Variants in CDH18 observed in about 807,000 individuals in gnomAD.
CDH18 encodes the protein cadherin 18, also known as cadherin-18.
A neutral mutation model predicts 67.9 loss-of-function variants in CDH18; 31 were observed. The observed-to-expected ratio is 0.46, with a 90% CI of 0.34 to 0.62. The LOEUF is 0.62. Among genes scored for constraint, CDH18 ranks in the 20% least tolerant of loss-of-function variants. The probability of loss-of-function intolerance (pLI) is 0.01; values close to 1 mark genes in which losing one functional copy is unlikely to be tolerated. For missense variants in CDH18, 890 were observed against 975.5 expected, an observed-to-expected ratio of 0.91 and a Z score of 1.17; for synonymous variants, 362 against 347.2, an observed-to-expected ratio of 1.04 and a Z score of -0.48.
intron 1 of CDH18, among the ~76,000 whole-genome samples, chr5:20,568,597 G>T (rs1287936035): frequency 1.3e-5 from 2 of 149,068 alleles, no homozygotes; most frequent in Non-Finnish European, 3.0e-5. Flanking sequence ...TCAAGAGTGG[G>T]CATTTCAGAA....
intron 2 of CDH18, among the ~76,000 whole-genome samples, chr5:20,056,413 T>C (rs183677324): frequency 0.015 from 2,161 of 148,314 alleles, 26 homozygotes; most frequent in Non-Finnish European, 0.023. Flanking sequence ...TGTTTTTTAA[T>C]CTTTTTTGTC....
intron 5 of CDH18, among the ~76,000 whole-genome samples, chr5:19,713,510 A>T (rs980247223): frequency 1.3e-5 from 2 of 152,162 alleles, no homozygotes; most frequent in African/African-American, 4.8e-5. Flanking sequence ...CTAGAATAGA[A>T]CACTGATCTA....
At chr5:19,782,098 A>G (rs1775181280) in intron 3 of CDH18, among the ~76,000 whole-genome samples, 1 of 152,180 alleles carries the variant, frequency 6.6e-6, no homozygotes, top group African/African-American at 2.4e-5. Flanking sequence ...TTATTTTCAC[A>G]CTTTTATATA....
intron 11 of CDH18, 145 bp from the exon 12 acceptor site, chr5:19,483,697 A>G: frequency 1.3e-6 from 1 of 789,006 alleles, no homozygotes; most frequent in Non-Finnish European, 1.9e-6. Flanking sequence ...GGCAATTATT[A>G]AAGAGAAGCT....
At chr5:19,994,855 T>TAGAGAG (rs1554078420) in intron 2 of CDH18, among the ~76,000 whole-genome samples, 4,893 of 67,542 alleles carry the variant, frequency 0.072, 882 homozygotes, top group Middle Eastern at 0.11. Context: ...TATATATATA[T>TAGAGAG]AGAGAGAGAG....
chr5:20,261,455 T>C (rs1744644961), intron 1 of CDH18, among the ~76,000 whole-genome samples: 1 of 152,158 alleles, frequency 6.6e-6, no homozygotes, highest in South Asian at 2.1e-4. Flanking sequence ...TAAGAATTGC[T>C]AGAGGTCGGG....
At chr5:19,641,839 A>AAAAAT (rs549897198) in intron 5 of CDH18, among the ~76,000 whole-genome samples, 3 of 152,008 alleles carry the variant, frequency 2.0e-5, no homozygotes, top group African/African-American at 4.8e-5. Flanking sequence ...TCAACAAGAA[A>AAAAAT]AAAATAAAAT....
intron 1 of CDH18, among the ~76,000 whole-genome samples, chr5:20,306,943 G>A (rs1477844948): frequency 8.3e-6 from 1 of 121,058 alleles, no homozygotes. Context: ...TTATGCCATA[G>A]TTATAGGAAA....
chr5:19,674,645 A>G (rs1217658532), intron 5 of CDH18, among the ~76,000 whole-genome samples: 1 of 152,194 alleles, frequency 6.6e-6, no homozygotes, highest in Non-Finnish European at 1.5e-5. Flanking sequence ...ATTAATATGC[A>G]TTAAATATAG....
intron 1 of CDH18, among the ~76,000 whole-genome samples, chr5:20,370,065 G>C (rs548457014): frequency 8.1e-4 from 123 of 151,958 alleles, no homozygotes; most frequent in African/African-American, 2.8e-3. Flanking sequence ...AGATATATAG[G>C]CTTCAAAGTT....
intron 2 of CDH18, among the ~76,000 whole-genome samples, chr5:20,114,653 G>C (rs113226296): frequency 3.9e-5 from 6 of 152,106 alleles, no homozygotes; most frequent in African/African-American, 1.4e-4. Flanking sequence ...TTCATGTGAG[G>C]GTATACTCTA....
intron 3 of CDH18, among the ~76,000 whole-genome samples, chr5:19,810,082 C>A (rs1778479367): frequency 6.6e-6 from 1 of 152,150 alleles, no homozygotes; most frequent in African/African-American, 2.4e-5. Flanking sequence ...GTAATCCCAG[C>A]ACTTTGGGAT....
intron 5 of CDH18, among the ~76,000 whole-genome samples, chr5:19,638,959 G>A (rs1209104839): frequency 8.1e-6 from 1 of 123,752 alleles, no homozygotes; most frequent in African/African-American, 3.2e-5. Context: ...CCAGATCGCT[G>A]GGAAGTTTTT....
At chr5:19,905,732 G>A (rs978862607) in intron 2 of CDH18, among the ~76,000 whole-genome samples, 1 of 151,812 alleles carries the variant, frequency 6.6e-6, no homozygotes, top group Non-Finnish European at 1.5e-5. Context: ...GTGAGTCTCA[G>A]GCTGTGAAAC....
In CDH18 at chr5:19,961,358, C is replaced by T. The variant is rs529336609; in HGVS notation, c.-257+19702G>A. 2.0e-4 allele frequency among the ~76,000 whole-genome samples: 31 copies of T among 152,086 alleles called. 1 individual carries two copies. The highest frequency in any genetic ancestry group is 1.7e-3 in the South Asian group (8 of 4,818). ...TCCTGACCTCGTGATCCACCCGCCT[C>T]GGCCTCCCAAACCGCAAGGATTACA... On this transcript the variant is annotated intron_variant, in intron 2 of 12. Transcript: ENST00000382275.
At chr5:19,863,935 G>C (rs1009645869) in intron 2 of CDH18, among the ~76,000 whole-genome samples, 3 of 151,998 alleles carry the variant, frequency 2.0e-5, no homozygotes, top group Non-Finnish European at 4.4e-5. Flanking sequence ...TGGTGGGACT[G>C]TAAACTAGTT....
At chr5:20,122,813 TATATATATATATATAC>T (rs1173669005) in intron 2 of CDH18, among the ~76,000 whole-genome samples, 1 of 141,832 alleles carries the variant, frequency 7.1e-6, no homozygotes, top group Non-Finnish European at 1.5e-5. Context: ...ATACAAAGTA[TATATATATATATATAC>T]ATATATATAT....
chr5:20,042,938 G>T (rs1244818836), intron 2 of CDH18, among the ~76,000 whole-genome samples: 1 of 151,734 alleles, frequency 6.6e-6, no homozygotes, highest in Non-Finnish European at 1.5e-5. Context: ...CTCCAGCCTG[G>T]GCGACAGAGC....
At chr5:20,105,849 G>C (rs1746885611) in intron 2 of CDH18, among the ~76,000 whole-genome samples, 1 of 152,104 alleles carries the variant, frequency 6.6e-6, no homozygotes, top group South Asian at 2.1e-4. Context: ...CCATCTTTTG[G>C]CTATTGTGAA....
Sources: allele counts gnomAD v4.1 joint callset (sites outside exome capture counted in the v4.1 genomes callset), GRCh38; gene constraint gnomAD v4.1.1; transcripts MANE v1.5; gene names NCBI Gene and HGNC (gene_info 2026-07-23, HGNC 2026-07-21).